Variants in SNAP91 observed in about 807,000 individuals in gnomAD.
SNAP91 encodes the protein synaptosome associated protein 91.
SNAP91 carries 27 observed loss-of-function variants against 100.3 expected under a neutral mutation model. That is an observed-to-expected ratio of 0.27 (90% CI 0.20 to 0.37). The LOEUF is 0.37. SNAP91 is among the 10% of genes least tolerant of loss of function. The pLI, the probability that SNAP91 is intolerant of heterozygous loss-of-function variation, is 1.00. For missense variants in SNAP91, 986 were observed against 1,123.7 expected, an observed-to-expected ratio of 0.88 and a Z score of 1.75; for synonymous variants, 404 against 398.6, an observed-to-expected ratio of 1.01 and a Z score of -0.16.
chr6:83,608,347 C>T (rs1451582032), intron 12 of SNAP91, among the ~76,000 whole-genome samples: 2 of 152,006 alleles, frequency 1.3e-5, no homozygotes, highest in Non-Finnish European at 2.9e-5. Context: ...ATGACTATAG[C>T]CCATCACTAA....
chr6:83,588,600 G>A (rs1481111642), intron 22 of SNAP91, among the ~76,000 whole-genome samples: 1 of 152,202 alleles, frequency 6.6e-6, no homozygotes, highest in East Asian at 1.9e-4. Context: ...AGTTACACCT[G>A]GCAGCAGGTG....
intron 29 of SNAP91, among the ~76,000 whole-genome samples, chr6:83,554,787 T>C (rs1775267798): frequency 1.3e-5 from 2 of 152,206 alleles, no homozygotes; most frequent in South Asian, 4.1e-4. Flanking sequence ...CCTCAGCCAC[T>C]TCCCACTCAT....
chr6:83,587,637 A>G (rs2092952689), intron 22 of SNAP91, among the ~76,000 whole-genome samples: 1 of 152,202 alleles, frequency 6.6e-6, no homozygotes, highest in Non-Finnish European at 1.5e-5. Flanking sequence ...TATTTGTCCT[A>G]CTTAATATGC....
rs558164190 is a variant in SNAP91 at position 83,680,849 on chromosome 6, T to C, written c.131-15268A>G. ...CATTGTTGTAGACTGTTGAGAACTG[T>C]TTGCCTACAGTAAGAATTTGGAGAT... On this transcript the variant is annotated intron_variant, in intron 2 of 29. Coordinates refer to ENST00000369694, the MANE Select transcript of SNAP91 (RefSeq NM_001242792.2). 2.6e-5 allele frequency among the ~76,000 whole-genome samples: 4 copies of C among 152,198 alleles called. No homozygotes were observed. In the East Asian group the frequency reaches 7.7e-4, roughly 29 times the overall value.
intron 2 of SNAP91, among the ~76,000 whole-genome samples, chr6:83,684,468 G>T (rs1410040620): frequency 6.6e-6 from 1 of 152,088 alleles, no homozygotes; most frequent in African/African-American, 2.4e-5. Context: ...ACCTGTCCAT[G>T]AGTGGGCTCC....
At chr6:83,571,218 C>A (rs1447287117) in intron 26 of SNAP91, among the ~76,000 whole-genome samples, 10 of 152,156 alleles carry the variant, frequency 6.6e-5, no homozygotes, top group Non-Finnish European at 1.3e-4. Context: ...AATTCTCCTG[C>A]CTTAGCCTCC....
intron 23 of SNAP91, 132 bp downstream of exon 23, chr6:83,582,090 T>C (rs1269338290): frequency 1.7e-5 from 16 of 940,132 alleles, no homozygotes; most frequent in Non-Finnish European, 2.5e-5. Context: ...AGAGATTTAT[T>C]AACGTTTTAT....
intron 24 of SNAP91, among the ~76,000 whole-genome samples, chr6:83,576,609 G>T (rs1819133292): frequency 6.6e-6 from 1 of 152,170 alleles, no homozygotes; most frequent in Non-Finnish European, 1.5e-5. Context: ...TTGTTGCTGG[G>T]TGAAGAGTGT....
chr6:83,670,415 T>C (rs1033171680), intron 2 of SNAP91, among the ~76,000 whole-genome samples: 1 of 151,926 alleles, frequency 6.6e-6, no homozygotes, highest in South Asian at 2.1e-4. Context: ...TATTTTATTA[T>C]TGAGTTATTC....
intron 22 of SNAP91, among the ~76,000 whole-genome samples, chr6:83,589,912 T>C (rs1212802750): frequency 6.6e-6 from 1 of 152,180 alleles, no homozygotes; most frequent in Non-Finnish European, 1.5e-5. Context: ...TTGTTTATTG[T>C]ATAACTTGTA....
At chr6:83,583,219 G>A (rs555311374) in intron 22 of SNAP91, among the ~76,000 whole-genome samples, 1 of 152,036 alleles carries the variant, frequency 6.6e-6, no homozygotes, top group Non-Finnish European at 1.5e-5. Flanking sequence ...TATACATGCC[G>A]AGTATCCTCA....
intron 2 of SNAP91, among the ~76,000 whole-genome samples, chr6:83,695,226 G>A (rs374641397): frequency 7.7e-6 from 1 of 129,366 alleles, no homozygotes; most frequent in Non-Finnish European, 1.5e-5. Flanking sequence ...GCAATGAACC[G>A]AGATTGAGCC....
At chr6:83,635,061 G>C (rs141184520) in intron 8 of SNAP91, among the ~76,000 whole-genome samples, 1 of 152,338 alleles carries the variant, frequency 6.6e-6, no homozygotes, top group African/African-American at 2.4e-5. Context: ...GGCTGAGCAT[G>C]TGGTGGATCT....
intron 8 of SNAP91, among the ~76,000 whole-genome samples, chr6:83,626,635 A>G (rs914053259): frequency 2.0e-5 from 3 of 152,016 alleles, no homozygotes; most frequent in African/African-American, 7.2e-5. Flanking sequence ...ATGGGATTGC[A>G]TTCTTCATCT....
intron 22 of SNAP91, among the ~76,000 whole-genome samples, chr6:83,587,254 C>G (rs1315702482): frequency 6.6e-6 from 1 of 152,032 alleles, no homozygotes; most frequent in Non-Finnish European, 1.5e-5. Flanking sequence ...AATGTATTCA[C>G]TCAAAAAAAT....
At chr6:83,659,315 G>T (rs551576912) in intron 5 of SNAP91, among the ~76,000 whole-genome samples, 40 of 151,972 alleles carry the variant, frequency 2.6e-4, no homozygotes, top group African/African-American at 9.4e-4. Context: ...TATGTGTACT[G>T]CCCTTAGGAA....
At chr6:83,577,340 C>G (rs1455233251) in intron 24 of SNAP91, among the ~76,000 whole-genome samples, 1 of 151,866 alleles carries the variant, frequency 6.6e-6, no homozygotes, top group Non-Finnish European at 1.5e-5. Flanking sequence ...AATGATTACC[C>G]ATAATTTTAG....
chr6:83,584,822 A>G (rs185981154), intron 22 of SNAP91, among the ~76,000 whole-genome samples: 6 of 152,342 alleles, frequency 3.9e-5, no homozygotes, highest in Non-Finnish European at 7.3e-5. Flanking sequence ...GATTCCAAAC[A>G]GGAATTCTCC....
chr6:83,595,953 C>A (rs2094430029), intron 16 of SNAP91, among the ~76,000 whole-genome samples: 1 of 152,162 alleles, frequency 6.6e-6, no homozygotes, highest in South Asian at 2.1e-4. Flanking sequence ...TTTACCAAAT[C>A]ACAAATATCC....
Sources: allele counts gnomAD v4.1 joint callset (sites outside exome capture counted in the v4.1 genomes callset), GRCh38; gene constraint gnomAD v4.1.1; transcripts MANE v1.5; gene names NCBI Gene and HGNC (gene_info 2026-07-23, HGNC 2026-07-21).